DNALI1: variants seen among roughly 807,000 people sequenced by gnomAD.
DNALI1 encodes dynein axonemal light intermediate chain 1.
A neutral mutation model predicts 33.9 loss-of-function variants in DNALI1; 31 were observed. The observed-to-expected ratio is 0.91, with a 90% CI of 0.69 to 1.23. The LOEUF is 1.23. DNALI1 is among the 50% of genes most tolerant of loss of function. The probability of loss-of-function intolerance (pLI) is 0.00; values close to 1 mark genes in which losing one functional copy is unlikely to be tolerated. For missense variants in DNALI1, 305 were observed against 323.8 expected (o/e 0.94, Z 0.44); for synonymous variants, 117 against 129.2 (o/e 0.91, Z 0.64).
At position 37,566,801 on chromosome 1, in the gene DNALI1, AAC is replaced by A. The variant is rs1344750413; in HGVS notation, c.*1744_*1745del. On this transcript the variant is annotated 3_prime_UTR_variant, in exon 6 of 6. Coordinates refer to ENST00000652629, the MANE Select transcript of DNALI1 (RefSeq NM_003462.5). ...AGAAATGTCAATGGGGCAGGAAGAA[AAC>A]ACAATTTCTAACTGCCTGTTTTTGT... 10 of 1,548,678 alleles carry A rather than the reference AAC, an allele frequency of 6.5e-6. No individual in the cohort carries two copies. The highest frequency in any genetic ancestry group is 8.9e-6 in the Non-Finnish European group (10 of 1,125,602).
At chr1:37,564,619 G>A (rs112810477) in intron 5 of DNALI1, among the ~76,000 whole-genome samples, 4 of 152,018 alleles carry the variant, frequency 2.6e-5, no homozygotes, top group South Asian at 2.1e-4. Context: ...CTGACCTCAC[G>A]ATCCGCCCGC....
chr1:37,561,197 G>A lies in DNALI1; in HGVS notation c.398-360G>A, dbSNP rs1338611406. On this transcript the variant is annotated intron_variant, in intron 3 of 5. Transcript: ENST00000652629. This position sits in a 1 kb window ranked among gnomAD's most constrained non-coding sequence, Gnocchi z 4.6. ...ATGTCCCAGCTGCTTTAAAACAGCTGCCATCTTTAAACAGAAAAAGTCAGG... is the reference window on the plus strand; with the variant it reads ...ATGTCCCAGCTGCTTTAAAACAGCTACCATCTTTAAACAGAAAAAGTCAGG... 1.4e-5 allele frequency: 3 copies of A among 218,128 alleles called. No individual in the cohort carries two copies. The highest frequency in any genetic ancestry group is 1.0e-4 in the East Asian group (1 of 9,986). 13.5% of individuals were successfully genotyped at this position (218,128 alleles called of 1,614,324 possible). A position where few individuals can be genotyped will look rare whatever the true frequency, so the allele number is the denominator to read the frequency against.
At position 37,566,743 on chromosome 1, in the gene DNALI1, T is replaced by C. The variant is rs571495473; in HGVS notation, c.*1682T>C. 1.8e-5 allele frequency: 18 copies of C among 976,864 alleles called. No individual in the cohort carries two copies. In the South Asian group the frequency reaches 2.3e-4, roughly 13 times the overall value. The allele number at this position is 976,864 out of a possible 1,614,324, so 60.5% of individuals were successfully genotyped here. On this transcript the variant is annotated 3_prime_UTR_variant, in exon 6 of 6. Transcript: ENST00000652629. ...CCTAGCACTGGTGAAGGGCTTCAAC[T>C]GTCAAACCTCAGAACAAATGCATTA...
chr1:37,565,878 G>A lies in DNALI1; in HGVS notation c.*817G>A, dbSNP rs1412930694. The A allele has an allele frequency of 6.6e-6, 1 of 152,172 alleles. No individual in the cohort carries two copies. The highest frequency in any genetic ancestry group is 1.9e-4 in the East Asian group (1 of 5,192). 9.4% of individuals were successfully genotyped at this position (152,172 alleles called of 1,614,324 possible). On this transcript the variant is annotated 3_prime_UTR_variant, in exon 6 of 6. Transcript: ENST00000652629. ...TCTAATGACTAATAATTGGAGTACG[G>A]CTGCTAGACAACTGCATTTTAGTAT...
chr1:37,559,327 G>A lies in DNALI1; in HGVS notation c.228G>A (p.Arg76=), dbSNP rs1349719178. The part of the protein sequence containing the change: ...EEILNAILPP[R]EWVEDTQLWI... The stretch of plus-strand genomic sequence containing the variant: ...CTCAGCCTCGCTGTGTCTGCCACAG[G>A]GAGTGGGTGGAAGACACGCAGCTAT... The change falls in exon 3 of 6, where the codon AGG becomes AGA. Residue 76 remains arginine, a splice_region_variant and synonymous_variant. Coordinates refer to ENST00000652629, the MANE Select transcript of DNALI1 (RefSeq NM_003462.5). The surrounding 1 kb of genome is among the most constrained non-coding windows in gnomAD (Gnocchi z 5.3). 4.4e-6 allele frequency: 7 copies of A among 1,598,626 alleles called. No individual in the cohort carries two copies. The highest frequency in any genetic ancestry group is 5.1e-6 in the Non-Finnish European group (6 of 1,172,610).
Position 37,562,139 on chromosome 1 carries a change from CA to C in DNALI1, c.639del (p.Lys213AsnfsTer27). On this transcript the variant is annotated frameshift_variant, in exon 5 of 6. Coordinates refer to ENST00000652629, the MANE Select transcript of DNALI1 (RefSeq NM_003462.5). LOFTEE classifies it high-confidence loss of function. The surrounding 1 kb of genome is among the most constrained non-coding windows in gnomAD (Gnocchi z 5.8). ...DLERQVNEQK[A>X]KCEATEKRES... is the part of the protein sequence containing the mutation. The stretch of plus-strand genomic sequence containing the variant: ...GAGAGGCAAGTGAACGAGCAGAAGG[CA>C]AAATGTGAAGCCACTGAGAAGCGGG... The C allele has an allele frequency of 1.2e-6, 2 of 1,614,084 alleles. No individual in the cohort carries two copies. The highest frequency in any genetic ancestry group is 1.7e-6 in the Non-Finnish European group (2 of 1,180,006).
rs956879434 is a variant in DNALI1, at chr1:37,562,314, C to T, written c.741+69C>T. 10 of 1,540,626 alleles carry T rather than the reference C, an allele frequency of 6.5e-6. No individual in the cohort carries two copies. In the African/African-American group the frequency reaches 6.9e-5, roughly 11 times the overall value. ...GACCCAGCCCCACAGGCCAGGCATT[C>T]GGTTCCTTTTCCATGGCTTTTAAAT... is the stretch of plus-strand genomic sequence containing the variant. On this transcript the variant is annotated intron_variant, in intron 5 of 5. Transcript: ENST00000652629. This position sits in a 1 kb window ranked among gnomAD's most constrained non-coding sequence, Gnocchi z 5.8.
At chr1:37,557,897 C>T in intron 2 of DNALI1, 149 bp downstream of exon 2, 1 of 1,124,632 alleles carries the variant, frequency 8.9e-7, no homozygotes, top group East Asian at 2.5e-5. Flanking sequence ...TGGCTGGATC[C>T]TGGCAGGGTG....
chr1:37,563,714 C>A (rs559198516), intron 5 of DNALI1, among the ~76,000 whole-genome samples: 1 of 152,210 alleles, frequency 6.6e-6, no homozygotes, highest in Non-Finnish European at 1.5e-5. Flanking sequence ...TGGTCATGAA[C>A]TCCTGACCTC....
rs990905854 is a variant in DNALI1 at position 37,561,933 on chromosome 1, G to A, written c.577-148G>A. The A allele has an allele frequency of 7.9e-6, 11 of 1,400,446 alleles. No individual in the cohort carries two copies. The highest frequency in any genetic ancestry group is 1.4e-5 in the African/African-American group (1 of 69,812). 86.8% of individuals were successfully genotyped at this position (1,400,446 alleles called of 1,614,324 possible). A position where few individuals can be genotyped will look rare whatever the true frequency, so the allele number is the denominator to read the frequency against. On this transcript the variant is annotated intron_variant, in intron 4 of 5. Transcript: ENST00000652629. The surrounding 1 kb of genome is among the most constrained non-coding windows in gnomAD (Gnocchi z 4.6). ...TGGTGGTCTTGGCAGAGTTGTTTCCGCTGTAGACGCTCCATGCCAGGCACT... is the reference window on the plus strand; with the variant it reads ...TGGTGGTCTTGGCAGAGTTGTTTCCACTGTAGACGCTCCATGCCAGGCACT...
In DNALI1 at chr1:37,565,629, C is replaced by T. The variant is rs1171560582; in HGVS notation, c.*568C>T. 6.5e-6 allele frequency: 1 copy of T among 153,040 alleles called. No homozygotes were observed. The highest frequency in any genetic ancestry group is 1.5e-5 in the Non-Finnish European group (1 of 68,698). 9.5% of individuals were successfully genotyped at this position (153,040 alleles called of 1,614,324 possible). On this transcript the variant is annotated 3_prime_UTR_variant, in exon 6 of 6. Coordinates refer to ENST00000652629, the MANE Select transcript of DNALI1 (RefSeq NM_003462.5). The stretch of plus-strand genomic sequence containing the variant: ...TTCCTCCTCGGTTTCAGACTGCCTA[C>T]ATTAGGAAACAATGGCAGTCAAACC...
chr1:37,566,774 T>A lies in DNALI1; in HGVS notation c.*1713T>A. On this transcript the variant is annotated 3_prime_UTR_variant, in exon 6 of 6. Transcript: ENST00000652629. ...ACCTCAGAACAAATGCATTAGGGCC[T>A]TAGAAATGTCAATGGGGCAGGAAGA... The A allele has an allele frequency of 7.5e-7, 1 of 1,335,840 alleles. No homozygotes were observed. Among genetic ancestry groups the A allele is most frequent in the Non-Finnish European group, 1.1e-6 (1 of 942,920 alleles). 82.7% of individuals were successfully genotyped at this position (1,335,840 alleles called of 1,614,324 possible). A position where few individuals can be genotyped will look rare whatever the true frequency, so the allele number is the denominator to read the frequency against.
In DNALI1 at chr1:37,561,820, GACCTCCT is replaced by G; in HGVS notation, c.576+87_576+93del. 1.3e-6 allele frequency: 2 copies of G among 1,512,400 alleles called. No individual in the cohort carries two copies. Among genetic ancestry groups the G allele is most frequent in the Non-Finnish European group, 1.8e-6 (2 of 1,119,140 alleles). The allele number at this position is 1,512,400 out of a possible 1,614,324, so 93.7% of individuals were successfully genotyped here. A position where few individuals can be genotyped will look rare whatever the true frequency, so the allele number is the denominator to read the frequency against. On this transcript the variant is annotated intron_variant, in intron 4 of 5. Transcript: ENST00000652629. The surrounding 1 kb of genome is among the most constrained non-coding windows in gnomAD (Gnocchi z 4.6). ...GCTTATCATTCCAGCACTACATTCTGACCTCCTAAGGTGCTCTGCTGACAGTCACGAC... is the reference window on the plus strand; with the variant it reads ...GCTTATCATTCCAGCACTACATTCTGAAGGTGCTCTGCTGACAGTCACGAC...
chr1:37,565,846 A>G lies in DNALI1; in HGVS notation c.*785A>G, dbSNP rs989339204. Reference sequence around the variant, plus strand: ...AACTGAAGAGGTAACTAAATCTCACATGCAGGTCTAATGACTAATAATTGG... The same window carrying G: ...AACTGAAGAGGTAACTAAATCTCACGTGCAGGTCTAATGACTAATAATTGG... On this transcript the variant is annotated 3_prime_UTR_variant, in exon 6 of 6. Coordinates refer to ENST00000652629, the MANE Select transcript of DNALI1 (RefSeq NM_003462.5). 2 of 152,184 alleles carry G rather than the reference A, an allele frequency of 1.3e-5. No homozygotes were observed. The highest frequency in any genetic ancestry group is 2.9e-5 in the Non-Finnish European group (2 of 68,044). The allele number at this position is 152,184 out of a possible 1,614,324, so 9.4% of individuals were successfully genotyped here. A position where few individuals can be genotyped will look rare whatever the true frequency, so the allele number is the denominator to read the frequency against.
intron 1 of DNALI1, 73 bp downstream of exon 1, chr1:37,557,148 G>C: frequency 1.2e-6 from 2 of 1,603,022 alleles, no homozygotes; most frequent in Non-Finnish European, 1.7e-6. Context: ...CGCATGGAGG[G>C]TCAGGAATCT....
chr1:37,557,907 G>C (rs575697630), intron 2 of DNALI1, 159 bp downstream of exon 2: 9 of 998,038 alleles, frequency 9.0e-6, no homozygotes, highest in Non-Finnish European at 1.3e-5. Flanking sequence ...CTGGCAGGGT[G>C]GTGGGAGACC....
chr1:37,564,731 C>T (rs1643480076), intron 5 of DNALI1, among the ~76,000 whole-genome samples: 1 of 152,156 alleles, frequency 6.6e-6, no homozygotes, highest in Admixed American at 6.5e-5. Context: ...GAAACCTGAG[C>T]CATGAAAAGC....
At position 37,566,672 on chromosome 1, in the gene DNALI1, C is replaced by T; in HGVS notation, c.*1611C>T. 1 of 595,370 alleles carries T rather than the reference C, an allele frequency of 1.7e-6. No individual in the cohort carries two copies. Among genetic ancestry groups the T allele is most frequent in the Non-Finnish European group, 2.9e-6 (1 of 341,448 alleles). 36.9% of individuals were successfully genotyped at this position (595,370 alleles called of 1,614,324 possible). ...AAGTCTACCTGAAGTGCTAGACTTT[C>T]AGACTCTTATCACTGAAATCCTTAA... On this transcript the variant is annotated 3_prime_UTR_variant, in exon 6 of 6. Coordinates refer to ENST00000652629, the MANE Select transcript of DNALI1 (RefSeq NM_003462.5).
In DNALI1 at chr1:37,561,784, C is replaced by T. The variant is rs1042513377; in HGVS notation, c.576+49C>T. Reference sequence around the variant, plus strand: ...TTGGTCCCATCTCTTCTGTAAACCTCAGGGCCACATGCTTATCATTCCAGC... The same window carrying T: ...TTGGTCCCATCTCTTCTGTAAACCTTAGGGCCACATGCTTATCATTCCAGC... On this transcript the variant is annotated intron_variant, in intron 4 of 5. Transcript: ENST00000652629. This position sits in a 1 kb window ranked among gnomAD's most constrained non-coding sequence, Gnocchi z 4.6. 4 of 1,582,560 alleles carry T rather than the reference C, an allele frequency of 2.5e-6. No homozygotes were observed. The African/African-American group carries it at 5.4e-5, about 21-fold the overall frequency.
Sources: gnomAD v4.1 joint callset for allele counts (sites outside exome capture counted in the v4.1 genomes callset) on GRCh38, gnomAD v4.1.1 for gene constraint, Gnocchi (gnomAD v3.1) non-coding constraint, MANE v1.5 for transcripts, NCBI Gene and HGNC (gene_info 2026-07-23, HGNC 2026-07-21) for gene names.